The following APBA1 variants were observed in gnomAD, a reference collection of about 807,000 sequenced individuals.
APBA1 encodes amyloid-beta A4 precursor protein-binding family A member 1.
A neutral mutation model predicts 86.6 loss-of-function variants in APBA1; 55 were observed. The observed-to-expected ratio is 0.64, with a 90% CI of 0.51 to 0.80. The LOEUF is 0.80. APBA1 is among the 30% of genes least tolerant of loss of function. APBA1 has a pLI of 0.00. For synonymous variants in APBA1, 511 were observed against 493.9 expected (o/e 1.03, Z -0.46); for missense variants, 1,090 against 1,183.0 (o/e 0.92, Z 1.15).
At position 69,546,026 on chromosome 9, in the gene APBA1, CA is replaced by C. The variant is rs1296697120; in HGVS notation, c.-69-28748del. Among the ~76,000 whole-genome samples, 4 of 152,110 alleles carry C rather than the reference CA, an allele frequency of 2.6e-5. No homozygotes were observed. In the East Asian group the frequency reaches 7.7e-4, roughly 29 times the overall value. On this transcript the variant is annotated intron_variant, in intron 1 of 12. Transcript: ENST00000265381. ...AGTTTATAAATTTTCTAAAGTATGA[CA>C]AACTTTGAAATTATACAAGATAAAT...
intron 1 of APBA1, among the ~76,000 whole-genome samples, chr9:69,556,254 T>A (rs2133933531): frequency 6.6e-6 from 1 of 152,246 alleles, no homozygotes; most frequent in East Asian, 1.9e-4. Flanking sequence ...TCAGTTCAAA[T>A]ATATCTGGAT....
intron 10 of APBA1, among the ~76,000 whole-genome samples, chr9:69,446,223 G>A (rs920541021): frequency 6.6e-6 from 1 of 152,266 alleles, no homozygotes; most frequent in South Asian, 2.1e-4. Context: ...TTTGGTACTG[G>A]TGATTCTGGC....
Position 69,456,352 on chromosome 9 carries a change from C to T in APBA1, c.1683G>A (p.Arg561=), listed in dbSNP as rs368799633. Residue 561 remains arginine (R), a synonymous_variant, in exon 8 of 13, where the codon CGG becomes CGA. Transcript: ENST00000265381. ...IGNIVVLMAR[R]RMPRSNSQEN... Reference sequence around the variant, plus strand: ...CCTGGGAGTTGGAGCGAGGCATCCGCCGGCGGGCCATCAGCACAACGATGT... The same window carrying T: ...CCTGGGAGTTGGAGCGAGGCATCCGTCGGCGGGCCATCAGCACAACGATGT... 6.2e-7 allele frequency: 1 copy of T among 1,614,130 alleles called. No individual in the cohort carries two copies. The highest frequency in any genetic ancestry group is 2.2e-5 in the East Asian group (1 of 44,882).
chr9:69,429,798 G>C lies in APBA1; in HGVS notation c.*1529C>G, dbSNP rs543621009. ...ACAACATAAATATCTCGGATGCAGA[G>C]AACAGGGACTATATTAATTACAAAA... On this transcript the variant is annotated 3_prime_UTR_variant, in exon 13 of 13. Transcript: ENST00000265381. The C allele has an allele frequency of 1.3e-5, 2 of 151,472 alleles. No homozygotes were observed. Among genetic ancestry groups the C allele is most frequent in the African/African-American group, 4.9e-5 (2 of 41,232 alleles). 9.4% of individuals were successfully genotyped at this position (151,472 alleles called of 1,614,324 possible). A position where few individuals can be genotyped will look rare whatever the true frequency, so the allele number is the denominator to read the frequency against.
At chr9:69,483,119 T>TA (rs545239952) in intron 2 of APBA1, among the ~76,000 whole-genome samples, 582 of 31,784 alleles carry the variant, frequency 0.018, 5 homozygotes, top group African/African-American at 0.061. Flanking sequence ...TAAAGTATAA[T>TA]AAAAAAAAAA....
intron 1 of APBA1, among the ~76,000 whole-genome samples, chr9:69,649,636 C>T (rs1283382510): frequency 2.0e-5 from 3 of 152,196 alleles, no homozygotes. Context: ...CCATCCACCC[C>T]CGGGGCCTTG....
intron 1 of APBA1, among the ~76,000 whole-genome samples, chr9:69,623,541 TC>T (rs1199054673): frequency 6.6e-6 from 1 of 152,128 alleles, no homozygotes; most frequent in Non-Finnish European, 1.5e-5. Flanking sequence ...AAGAAAATGC[TC>T]CCCAACCTCA....
At chr9:69,452,445 T>A in intron 8 of APBA1, 144 bp from the exon 9 acceptor site, 1 of 746,796 alleles carries the variant, frequency 1.3e-6, no homozygotes, top group Non-Finnish European at 2.1e-6. Context: ...TGGTTCTACG[T>A]GGGGCTACCA....
At chr9:69,612,898 A>C (rs1019039663) in intron 1 of APBA1, among the ~76,000 whole-genome samples, 1 of 152,120 alleles carries the variant, frequency 6.6e-6, no homozygotes, top group Non-Finnish European at 1.5e-5. Flanking sequence ...ATTAAGATGT[A>C]TTTGTGGTAA....
At chr9:69,506,124 G>A (rs1835958929) in intron 2 of APBA1, among the ~76,000 whole-genome samples, 1 of 151,954 alleles carries the variant, frequency 6.6e-6, no homozygotes, top group Non-Finnish European at 1.5e-5. Flanking sequence ...CACAGAAGAA[G>A]ACGGGTGATT....
chr9:69,432,115 C>T (rs1834611500), intron 12 of APBA1, among the ~76,000 whole-genome samples: 1 of 152,216 alleles, frequency 6.6e-6, no homozygotes, highest in Non-Finnish European at 1.5e-5. Flanking sequence ...ACAGTAATGA[C>T]ACGTCATGCC....
chr9:69,499,255 C>T (rs1366702797), intron 2 of APBA1, among the ~76,000 whole-genome samples: 1 of 152,092 alleles, frequency 6.6e-6, no homozygotes, highest in African/African-American at 2.4e-5. Flanking sequence ...CTGGGGCTAA[C>T]TATCCTAGAA....
intron 1 of APBA1, among the ~76,000 whole-genome samples, chr9:69,585,677 T>C (rs369250397): frequency 6.6e-6 from 1 of 152,182 alleles, no homozygotes; most frequent in Non-Finnish European, 1.5e-5. Flanking sequence ...TCCCCTTGAC[T>C]GTTTCTGATC....
At chr9:69,456,731 TTC>T (rs59965284) in intron 7 of APBA1, among the ~76,000 whole-genome samples, 28,766 of 151,982 alleles carry the variant, frequency 0.19, 2,818 homozygotes, top group South Asian at 0.31. Context: ...GCAGGGCTGT[TTC>T]TGTTTTTGTG....
chr9:69,547,888 A>G (rs907942701), intron 1 of APBA1, among the ~76,000 whole-genome samples: 1 of 152,212 alleles, frequency 6.6e-6, no homozygotes, highest in Non-Finnish European at 1.5e-5. Flanking sequence ...TGGTGTGGTC[A>G]GTGGAAAATG....
chr9:69,540,724 A>G (rs1040534927), intron 1 of APBA1, among the ~76,000 whole-genome samples: 16 of 152,092 alleles, frequency 1.1e-4, no homozygotes, highest in African/African-American at 3.9e-4. Context: ...TCAGCCTTCC[A>G]AGTAGCTGGT....
chr9:69,661,581 C>A (rs914804328), intron 1 of APBA1, among the ~76,000 whole-genome samples: 2 of 145,864 alleles, frequency 1.4e-5, no homozygotes, highest in South Asian at 4.6e-4. Context: ...GTCGGTGCAA[C>A]AGTACTATGG....
intron 1 of APBA1, among the ~76,000 whole-genome samples, chr9:69,636,629 C>G (rs2134003307): frequency 6.6e-6 from 1 of 151,762 alleles, no homozygotes; most frequent in Admixed American, 6.6e-5. Context: ...AACCCCATCT[C>G]TACAAAAAGT....
chr9:69,599,019 T>C (rs1441428753), intron 1 of APBA1, among the ~76,000 whole-genome samples: 2 of 152,180 alleles, frequency 1.3e-5, no homozygotes, highest in East Asian at 3.8e-4. Context: ...GCTAGAGTAG[T>C]CAAATTCATA....
Sources: gnomAD v4.1 joint callset for allele counts (sites outside exome capture counted in the v4.1 genomes callset) on GRCh38, gnomAD v4.1.1 for gene constraint, MANE v1.5 for transcripts, NCBI Gene and HGNC (gene_info 2026-07-23, HGNC 2026-07-21) for gene names.